APOLD1: variants seen among roughly 807,000 people sequenced by gnomAD.
APOLD1 encodes apolipoprotein L domain containing 1, also known as apolipoprotein L domain-containing protein 1.
In APOLD1, 22 loss-of-function variants were observed where a neutral mutation model predicts 15.3. The ratio of observed to expected loss-of-function variants is 1.44; its 90% confidence interval spans 1.03 to 2.05. APOLD1 has a LOEUF of 2.05. APOLD1 is among the 30% of genes most tolerant of loss of function. APOLD1 has a pLI of 0.00. For missense variants in APOLD1, 394 were observed against 353.5 expected, an observed-to-expected ratio of 1.11 and a Z score of -0.92; for synonymous variants, 190 against 167.4, an observed-to-expected ratio of 1.13 and a Z score of -1.04.
chr12:12,726,313 G>A (rs1168679055), intron 1 of APOLD1: 8 of 656,866 alleles, frequency 1.2e-5, no homozygotes, highest in South Asian at 3.3e-5. Context: ...TTTGCGGGAG[G>A]AATATGTTAA....
At chr12:12,726,069 A>AGGATGCACCTTCCCCTGCCTT in exon 1 of APOLD1, 1 of 1,440,276 alleles carries the variant, frequency 6.9e-7, no homozygotes, top group Non-Finnish European at 9.3e-7. Context: ...GAGCCTGGCG[A>AGGATGCACCTTCCCCTGCCTT]GGATGCACCT....
chr12:12,757,203 TCATGTTTTCAGGC>T (rs974560286), intron 1 of APOLD1, among the ~76,000 whole-genome samples: 11 of 152,212 alleles, frequency 7.2e-5, no homozygotes, highest in Non-Finnish European at 1.2e-4. Flanking sequence ...GGACTCAGGC[TCATGTTTTCAGGC>T]CATGATCTTG....
At chr12:12,726,423 CTTT>C (rs1028354278) in intron 1 of APOLD1, 1 of 363,748 alleles carries the variant, frequency 2.7e-6, no homozygotes, top group African/African-American at 2.1e-5. Flanking sequence ...TTTAGGATGA[CTTT>C]TTTTTTCTTT....
intron 1 of APOLD1, chr12:12,771,683 C>A: frequency 2.2e-6 from 1 of 458,668 alleles, no homozygotes; most frequent in South Asian, 1.6e-5. Context: ...TCTGGCTCCT[C>A]AAAGAGCCAA....
At chr12:12,735,061 C>T (rs1169296547) in intron 1 of APOLD1, among the ~76,000 whole-genome samples, 1 of 152,124 alleles carries the variant, frequency 6.6e-6, no homozygotes, top group Non-Finnish European at 1.5e-5. Context: ...TTTCCCCAAG[C>T]CAGCCTGTGT....
intron 1 of APOLD1, among the ~76,000 whole-genome samples, chr12:12,759,989 T>C (rs1425364787): frequency 6.6e-6 from 1 of 152,170 alleles, no homozygotes; most frequent in African/African-American, 2.4e-5. Context: ...GTCGGAACTA[T>C]ACAACACCAT....
intron 1 of APOLD1, among the ~76,000 whole-genome samples, chr12:12,776,761 A>G (rs1020204742): frequency 1.7e-4 from 26 of 152,238 alleles, no homozygotes; most frequent in African/African-American, 5.8e-4. Flanking sequence ...ATGAAGGTTG[A>G]GTCTCCCTTT....
chr12:12,754,235 A>C (rs78513360), intron 1 of APOLD1, among the ~76,000 whole-genome samples: 12,023 of 149,512 alleles, frequency 0.08, 600 homozygotes, highest in South Asian at 0.16. Flanking sequence ...AAAGAAAAAA[A>C]CATCAGTGCA....
At chr12:12,774,299 C>T (rs373397806) in intron 1 of APOLD1, among the ~76,000 whole-genome samples, 1 of 151,950 alleles carries the variant, frequency 6.6e-6, no homozygotes, top group East Asian at 1.9e-4. Flanking sequence ...AATCCTAGCA[C>T]TTTGGGAGGC....
intron 1 of APOLD1, among the ~76,000 whole-genome samples, chr12:12,777,896 T>TTTTG (rs1947048399): frequency 2.4e-4 from 3 of 12,564 alleles, no homozygotes; most frequent in African/African-American, 4.7e-4. Context: ...GGTGTTTTTT[T>TTTTG]TTTTTTTTTT....
intron 1 of APOLD1, among the ~76,000 whole-genome samples, chr12:12,773,351 A>G (rs115255349): frequency 0.018 from 2,714 of 152,288 alleles, 82 homozygotes; most frequent in African/African-American, 0.062. Context: ...GCTTGAGGCC[A>G]GGAGTTCAAG....
rs758404143 is a variant in APOLD1, at chr12:12,785,707, C to T, written c.3+13C>T. ...ACAGAAGTGAATGGTAAGTGGGGAA[C>T]CCTGAGGCATATATTCGGGATGACT... On this transcript the variant is annotated intron_variant, in intron 1 of 1. Transcript: ENST00000356591. 1 of 1,611,444 alleles carries T rather than the reference C, an allele frequency of 6.2e-7. No homozygotes were observed. Among genetic ancestry groups the T allele is most frequent in the Non-Finnish European group, 8.5e-7 (1 of 1,177,538 alleles).
chr12:12,755,806 G>A (rs7962772), intron 1 of APOLD1, among the ~76,000 whole-genome samples: 73,024 of 151,996 alleles, frequency 0.48, 17,633 homozygotes, highest in South Asian at 0.56. Flanking sequence ...GCGCCACTGC[G>A]CTCTAACCAG....
At chr12:12,739,829 T>G (rs1946718261) in intron 1 of APOLD1, among the ~76,000 whole-genome samples, 2 of 150,938 alleles carry the variant, frequency 1.3e-5, no homozygotes. Flanking sequence ...TTTTTTTTTT[T>G]TTTTTGAGAC....
At chr12:12,728,688 A>AAAG (rs1946613674) in intron 1 of APOLD1, among the ~76,000 whole-genome samples, 1 of 148,162 alleles carries the variant, frequency 6.7e-6, no homozygotes, top group Non-Finnish European at 1.5e-5. Context: ...AAAAAAAAAA[A>AAAG]AAAGAGAGAG....
chr12:12,734,399 C>G (rs1000301977), intron 1 of APOLD1, among the ~76,000 whole-genome samples: 4 of 152,196 alleles, frequency 2.6e-5, no homozygotes, highest in African/African-American at 9.7e-5. Context: ...TTTGGCTGTC[C>G]CTCTCCATGT....
chr12:12,760,267 A>G (rs1183558953), intron 1 of APOLD1, among the ~76,000 whole-genome samples: 2 of 152,146 alleles, frequency 1.3e-5, no homozygotes, highest in Non-Finnish European at 2.9e-5. Context: ...CAGAGGCTGC[A>G]GTGAGCCATG....
intron 1 of APOLD1, among the ~76,000 whole-genome samples, chr12:12,759,931 A>G (rs1402573319): frequency 6.6e-6 from 1 of 152,260 alleles, no homozygotes; most frequent in South Asian, 2.1e-4. Context: ...TAGAAGAGGC[A>G]GAAAGGCAAA....
At chr12:12,785,463 C>T (rs1415624243), upstream of APOLD1, 4 of 611,060 alleles carry the variant, frequency 6.5e-6, no homozygotes, top group South Asian at 4.3e-5. Flanking sequence ...CAGGGGAAAG[C>T]GAACACACAA....
Sources: gnomAD v4.1 joint callset for allele counts (sites outside exome capture counted in the v4.1 genomes callset) on GRCh38, gnomAD v4.1.1 for gene constraint, MANE v1.5 for transcripts, NCBI Gene and HGNC (gene_info 2026-07-23, HGNC 2026-07-21) for gene names.